The following ZBTB16 variants were observed in gnomAD, a reference collection of about 807,000 sequenced individuals.
ZBTB16 encodes the protein zinc finger and BTB domain containing 16, also known as zinc finger and BTB domain-containing protein 16.
Under a neutral mutation model 56.8 loss-of-function variants are expected in ZBTB16, and 8 were observed. The observed-to-expected ratio is 0.14, with a 90% CI of 0.08 to 0.25. The LOEUF (loss-of-function observed/expected upper bound fraction) is 0.25. Ranked by LOEUF, ZBTB16 falls within the 10% of genes least tolerant of loss-of-function variation. The pLI is 1.00. For synonymous variants in ZBTB16, 363 were observed against 368.5 expected (o/e 0.98, Z 0.17); for missense variants, 625 against 903.0 (o/e 0.69, Z 3.95).
chr11:114,101,307 G>T (rs774553047), intron 2 of ZBTB16, among the ~76,000 whole-genome samples: 1 of 151,842 alleles, frequency 6.6e-6, no homozygotes, highest in Admixed American at 6.5e-5. Flanking sequence ...GCGAGGCCTT[G>T]TTTGGTGTTT....
chr11:114,196,728 G>A (rs1943620224), intron 4 of ZBTB16, among the ~76,000 whole-genome samples: 1 of 152,172 alleles, frequency 6.6e-6, no homozygotes. Flanking sequence ...AGGTTACGGT[G>A]TTATGAAGGA....
chr11:114,078,020 G>A (rs189516409), intron 2 of ZBTB16, among the ~76,000 whole-genome samples: 200 of 152,280 alleles, frequency 1.3e-3, no homozygotes, highest in Non-Finnish European at 2.0e-3. Context: ...GGTGAGGGGT[G>A]GTGTGTTATG....
At chr11:114,198,065 A>G (rs1451538766) in intron 4 of ZBTB16, among the ~76,000 whole-genome samples, 1 of 152,058 alleles carries the variant, frequency 6.6e-6, no homozygotes, top group Non-Finnish European at 1.5e-5. Flanking sequence ...ACCTCTGTCC[A>G]AGGTGGAGGG....
chr11:114,142,914 T>G (rs977355717), intron 2 of ZBTB16, among the ~76,000 whole-genome samples: 2 of 152,140 alleles, frequency 1.3e-5, no homozygotes, highest in Non-Finnish European at 2.9e-5. Context: ...GAAAGCTCAT[T>G]AAATAAAAAT....
rs1368075577 is a variant in ZBTB16 at position 114,063,896 on chromosome 11, C to T, written c.596C>T (p.Thr199Ile). The part of the protein sequence containing the change: ...TSFGLSAMSP[T>I]KAAVDSLMTI... ...TTTGGTCTTTCAGCCATGAGTCCCA[C>T]CAAGGCTGCAGTGGACAGTTTGATG... Residue 199 changes from threonine (T) to isoleucine (I), a missense_variant, in exon 2 of 7, where the codon ACC (threonine) becomes ATC (isoleucine). Thr to Ile is a moderately conservative substitution (Grantham distance 89). This residue lies in a region of ZBTB16 where 384 missense variants were observed against 393.5 expected (regional missense o/e 0.98). Coordinates refer to ENST00000335953, the MANE Select transcript of ZBTB16 (RefSeq NM_006006.6). This position sits in a 1 kb window ranked among gnomAD's most constrained non-coding sequence, Gnocchi z 6.5. The T allele has an allele frequency of 1.2e-6, 2 of 1,614,064 alleles. No individual in the cohort carries two copies. Among genetic ancestry groups the T allele is most frequent in the Admixed American group, 3.3e-5 (2 of 60,030 alleles).
At position 114,082,116 on chromosome 11, in the gene ZBTB16, CAA is replaced by C. The variant is rs55670871; in HGVS notation, c.1268+17563_1268+17564del. On this transcript the variant is annotated intron_variant, in intron 2 of 6. Transcript: ENST00000335953. ...GGGCAATATAGCGAGACGATCTTTA[CAA>C]AAAAAAAAAAAAAATTAAAAATGCA... is the stretch of plus-strand genomic sequence containing the variant. Among the ~76,000 whole-genome samples the C allele has an allele frequency of 5.1e-5, 7 of 138,564 alleles. No individual in the cohort carries two copies. In the South Asian group the frequency reaches 1.6e-3, roughly 32 times the overall value. The allele number at this position is 138,564 out of a possible 152,430, so 90.9% of individuals were successfully genotyped here.
intron 2 of ZBTB16, among the ~76,000 whole-genome samples, chr11:114,118,898 T>C (rs538677747): frequency 3.9e-5 from 6 of 152,274 alleles, no homozygotes; most frequent in African/African-American, 1.4e-4. Flanking sequence ...CAGTGAGGAA[T>C]GGAGGATGCA....
intron 2 of ZBTB16, among the ~76,000 whole-genome samples, chr11:114,117,147 C>T (rs1298564213): frequency 1.3e-5 from 2 of 151,850 alleles, no homozygotes; most frequent in African/African-American, 2.4e-5. Context: ...ACGCAAAGGC[C>T]GGGGGAAGGA....
At chr11:114,084,741 C>A (rs188813013) in intron 2 of ZBTB16, among the ~76,000 whole-genome samples, 6 of 152,276 alleles carry the variant, frequency 3.9e-5, no homozygotes, top group South Asian at 2.1e-4. Flanking sequence ...TGGGAGGAGG[C>A]CTTATTGCTC....
intron 5 of ZBTB16, among the ~76,000 whole-genome samples, chr11:114,244,645 GTTGT>G (rs1944779622): frequency 6.6e-6 from 1 of 150,778 alleles, no homozygotes; most frequent in Non-Finnish European, 1.5e-5. Context: ...TTTTTTTGTT[GTTGT>G]TTGTTTTTCC....
intron 2 of ZBTB16, among the ~76,000 whole-genome samples, chr11:114,121,268 T>C (rs1373761147): frequency 6.6e-6 from 1 of 152,182 alleles, no homozygotes; most frequent in Non-Finnish European, 1.5e-5. Context: ...GTGTGGTCAC[T>C]GAAGGCGGAG....
At chr11:114,088,271 A>G (rs1187960257) in intron 2 of ZBTB16, among the ~76,000 whole-genome samples, 5 of 150,760 alleles carry the variant, frequency 3.3e-5, no homozygotes, top group Non-Finnish European at 5.9e-5. Context: ...CCTCCCGAGT[A>G]GCTGAGATTA....
chr11:114,180,238 A>G (rs966360321), intron 3 of ZBTB16, among the ~76,000 whole-genome samples: 1 of 152,192 alleles, frequency 6.6e-6, no homozygotes, highest in Non-Finnish European at 1.5e-5. Flanking sequence ...GGAGCTCCCT[A>G]CAGGGTGGTG....
chr11:114,160,846 G>C (rs1325312567), intron 3 of ZBTB16, among the ~76,000 whole-genome samples: 1 of 152,172 alleles, frequency 6.6e-6, no homozygotes, highest in Non-Finnish European at 1.5e-5. Flanking sequence ...AGGTGGTTTT[G>C]GGGGTCAGAA....
rs1003170892 is a variant in ZBTB16 at position 114,186,991 on chromosome 11, A to G, written c.1406A>G (p.Gln469Arg). ...TTTGTCTGTGATCAGTGCGGTGCAC[A>G]GTTTTCGAAGGAGGATGCCCTGGAG... ...KAFVCDQCGA[Q>R]FSKEDALETH... The change falls in exon 4 of 7, where the codon CAG becomes CGG. Residue 469 changes from glutamine to arginine, a missense_variant. Gln to Arg is a conservative substitution (Grantham distance 43). Around this residue, in one of 6 missense-constraint regions of ZBTB16, gnomAD observed 140 missense variants for 214.8 expected, o/e 0.65. Coordinates refer to ENST00000335953, the MANE Select transcript of ZBTB16 (RefSeq NM_006006.6). 6.2e-7 allele frequency: 1 copy of G among 1,614,068 alleles called. No individual in the cohort carries two copies. Among genetic ancestry groups the G allele is most frequent in the Non-Finnish European group, 8.5e-7 (1 of 1,180,012 alleles).
rs61107073 is a variant in ZBTB16, at chr11:114,256,022, G to GTTT, written c.*5477_*5479dup. ...TTATTGAAGTACTTGGTTTTGTTTT[G>GTTT]TTTTTTTTTTTTGTTTTTTTTGCCT... On this transcript the variant is annotated 3_prime_UTR_variant, in exon 7 of 7. Transcript: ENST00000335953. Among the ~76,000 whole-genome samples, 42 of 143,066 alleles carry GTTT rather than the reference G, an allele frequency of 2.9e-4. No individual in the cohort carries two copies. Among genetic ancestry groups the GTTT allele is most frequent in the Middle Eastern group, 3.7e-3 (1 of 268 alleles). The allele number at this position is 143,066 out of a possible 152,430, so 93.9% of individuals were successfully genotyped here.
At chr11:114,169,936 G>T (rs994140860) in intron 3 of ZBTB16, among the ~76,000 whole-genome samples, 30 of 152,278 alleles carry the variant, frequency 2.0e-4, no homozygotes, top group African/African-American at 6.7e-4. Context: ...ATCCAGGCAG[G>T]CATCTCTTTC....
intron 2 of ZBTB16, 150 bp from the exon 3 acceptor site, chr11:114,156,187 G>A (rs1942404174): frequency 4.0e-6 from 3 of 748,430 alleles, no homozygotes; most frequent in South Asian, 3.0e-5. Flanking sequence ...CGCTGTCTGA[G>A]GATCCAGGGA....
At chr11:114,136,885 C>T (rs77422057) in intron 2 of ZBTB16, among the ~76,000 whole-genome samples, 1,985 of 152,294 alleles carry the variant, frequency 0.013, 44 homozygotes, top group African/African-American at 0.046. Context: ...ACTGAGCTCT[C>T]ATTCCTTAGT....
Sources: allele counts gnomAD v4.1 joint callset (sites outside exome capture counted in the v4.1 genomes callset), GRCh38; gene constraint gnomAD v4.1.1; regional missense constraint gnomAD v4.1.1; non-coding constraint Gnocchi (gnomAD v3.1); transcripts MANE v1.5; gene names NCBI Gene and HGNC (gene_info 2026-07-23, HGNC 2026-07-21).